The following PRKN variants were observed in gnomAD, a reference collection of about 807,000 sequenced individuals.
The protein encoded by PRKN is parkin RBR E3 ubiquitin protein ligase.
PRKN carries 56 observed loss-of-function variants against 59.5 expected under a neutral mutation model. That is an observed-to-expected ratio of 0.94 (90% CI 0.76 to 1.18). PRKN has a LOEUF of 1.18. Among genes scored for constraint, PRKN ranks in the 50% most tolerant of loss-of-function variants. The pLI is 0.00. For missense variants in PRKN, 657 were observed against 596.4 expected (o/e 1.10, Z -1.06); for synonymous variants, 250 against 222.1 (o/e 1.13, Z -1.12).
intron 2 of PRKN, among the ~76,000 whole-genome samples, chr6:162,341,255 C>T (rs1784164735): frequency 6.6e-6 from 1 of 152,104 alleles, no homozygotes; most frequent in Admixed American, 6.5e-5. Flanking sequence ...AGTCAGGAAA[C>T]AACAGATGCT....
chr6:161,641,648 C>G (rs1270835956), intron 7 of PRKN, among the ~76,000 whole-genome samples: 3 of 152,168 alleles, frequency 2.0e-5, no homozygotes, highest in Admixed American at 2.0e-4. Flanking sequence ...CTTGATAAAT[C>G]GGCTCTGTCT....
At chr6:161,797,202 A>C (rs182331222) in intron 6 of PRKN, among the ~76,000 whole-genome samples, 85 of 152,312 alleles carry the variant, frequency 5.6e-4, no homozygotes, top group Admixed American at 1.6e-3. Context: ...CATTCTTAAA[A>C]TGAATGAATG....
Position 162,683,085 on chromosome 6 carries a change from GCATT to G in PRKN, c.7+44573_7+44576del, listed in dbSNP as rs770859045. Among the ~76,000 whole-genome samples the G allele has an allele frequency of 7.9e-5, 12 of 152,122 alleles. No individual in the cohort carries two copies. In the East Asian group the frequency reaches 1.2e-3, roughly 15 times the overall value. ...TTTGCAAATGTTATTTAATGAACAC[GCATT>G]ATTATGAATGCAAAACAGCTGCTAT... On this transcript the variant is annotated intron_variant, in intron 1 of 11. Transcript: ENST00000366898.
At chr6:161,934,220 A>ATGCC (rs1779272375) in intron 6 of PRKN, among the ~76,000 whole-genome samples, 1 of 152,128 alleles carries the variant, frequency 6.6e-6, no homozygotes, top group African/African-American at 2.4e-5. Context: ...TGTGAAGAAG[A>ATGCC]TGCCTGCCTC....
At chr6:161,490,301 TTTTC>T (rs1777500064) in intron 9 of PRKN, among the ~76,000 whole-genome samples, 2 of 113,938 alleles carry the variant, frequency 1.8e-5, no homozygotes, top group African/African-American at 5.8e-5. Flanking sequence ...ATCTCTCTAC[TTTTC>T]TTTCTTGCTT....
intron 4 of PRKN, among the ~76,000 whole-genome samples, chr6:162,123,689 T>C (rs958622840): frequency 1.3e-5 from 2 of 152,204 alleles, no homozygotes; most frequent in African/African-American, 4.8e-5. Flanking sequence ...TATTTTTTAT[T>C]AGGTATACCC....
At chr6:161,380,194 C>T (rs970979680) in intron 10 of PRKN, among the ~76,000 whole-genome samples, 1 of 152,162 alleles carries the variant, frequency 6.6e-6, no homozygotes, top group African/African-American at 2.4e-5. Flanking sequence ...AAGTTCCTTC[C>T]CTGCCTGAAG....
chr6:162,488,990 C>G (rs1792682097), intron 1 of PRKN, among the ~76,000 whole-genome samples: 1 of 152,100 alleles, frequency 6.6e-6, no homozygotes, highest in African/African-American at 2.4e-5. Context: ...CCAGGATAAG[C>G]CACCACTCCT....
chr6:161,770,929 G>C (rs1418859121), intron 7 of PRKN, among the ~76,000 whole-genome samples: 1 of 152,072 alleles, frequency 6.6e-6, no homozygotes, highest in Non-Finnish European at 1.5e-5. Flanking sequence ...CAAGGAGAGA[G>C]GCTTCAGGAG....
At chr6:162,599,693 C>T (rs908682054) in intron 1 of PRKN, among the ~76,000 whole-genome samples, 13 of 152,016 alleles carry the variant, frequency 8.6e-5, no homozygotes, top group African/African-American at 3.1e-4. Context: ...CCATTCTTCC[C>T]GAAGATGTCA....
Position 161,386,718 on chromosome 6 carries a change from T to C in PRKN, c.1167+76A>G. ...TGCTTTTTTAGAATGGAACTCTCCA[T>C]GACCTCCAGGAAACGGCTCCAGTCC... On this transcript the variant is annotated intron_variant, in intron 10 of 11. Coordinates refer to ENST00000366898, the MANE Select transcript of PRKN (RefSeq NM_004562.3). This position sits in a 1 kb window ranked among gnomAD's most constrained non-coding sequence, Gnocchi z 4.3. 1 of 1,124,012 alleles carries C rather than the reference T, an allele frequency of 8.9e-7. No homozygotes were observed. Among genetic ancestry groups the C allele is most frequent in the Non-Finnish European group, 1.4e-6 (1 of 732,476 alleles). 69.6% of individuals were successfully genotyped at this position (1,124,012 alleles called of 1,614,324 possible). A position where few individuals can be genotyped will look rare whatever the true frequency, so the allele number is the denominator to read the frequency against.
chr6:161,414,698 A>G lies in PRKN; in HGVS notation c.1084-27821T>C, dbSNP rs1787756085. Reference sequence around the variant, plus strand: ...GGATTTTTTTTAACTGAGTAAGGTCATCTTTTCCTGATGAAGCCCCAAAGT... The same window carrying G: ...GGATTTTTTTTAACTGAGTAAGGTCGTCTTTTCCTGATGAAGCCCCAAAGT... On this transcript the variant is annotated intron_variant, in intron 9 of 11. Coordinates refer to ENST00000366898, the MANE Select transcript of PRKN (RefSeq NM_004562.3). The surrounding 1 kb of genome is among the most constrained non-coding windows in gnomAD (Gnocchi z 5.3). Among the ~76,000 whole-genome samples the G allele has an allele frequency of 6.6e-6, 1 of 152,170 alleles. No individual in the cohort carries two copies. The highest frequency in any genetic ancestry group is 2.4e-5 in the African/African-American group (1 of 41,426).
intron 9 of PRKN, among the ~76,000 whole-genome samples, chr6:161,511,813 T>C (rs533397130): frequency 1.1e-4 from 16 of 150,206 alleles, no homozygotes; most frequent in African/African-American, 3.2e-4. Context: ...GGCAGATGGG[T>C]TGATCTTAGG....
chr6:162,217,099 A>T (rs866291849), intron 3 of PRKN, among the ~76,000 whole-genome samples: 5 of 152,184 alleles, frequency 3.3e-5, no homozygotes, highest in Admixed American at 1.3e-4. Context: ...GCTATTCTAC[A>T]ATCGAAGAAT....
chr6:162,198,206 T>A (rs772879915), intron 4 of PRKN, among the ~76,000 whole-genome samples: 2 of 152,050 alleles, frequency 1.3e-5, no homozygotes, highest in African/African-American at 4.8e-5. Flanking sequence ...CTCTGGGAAC[T>A]GAGAAAAATC....
intron 6 of PRKN, among the ~76,000 whole-genome samples, chr6:161,951,202 C>G (rs1405295861): frequency 6.6e-6 from 1 of 152,068 alleles, no homozygotes; most frequent in East Asian, 1.9e-4. Flanking sequence ...AATTAAAATA[C>G]GAAACAGTAT....
intron 4 of PRKN, among the ~76,000 whole-genome samples, chr6:162,133,572 G>T (rs149415910): frequency 1.3e-5 from 2 of 152,136 alleles, no homozygotes; most frequent in African/African-American, 4.8e-5. Flanking sequence ...AAATAGGGCT[G>T]GAAATATCAA....
chr6:162,033,083 C>A (rs973550890), intron 5 of PRKN, among the ~76,000 whole-genome samples: 1 of 152,210 alleles, frequency 6.6e-6, no homozygotes, highest in African/African-American at 2.4e-5. Context: ...CAGACACTGG[C>A]TCCTCTCTCA....
chr6:162,374,949 T>C (rs531188762), intron 2 of PRKN, among the ~76,000 whole-genome samples: 1 of 152,260 alleles, frequency 6.6e-6, no homozygotes, highest in Non-Finnish European at 1.5e-5. Flanking sequence ...ATTGAATCTT[T>C]ATAATTTTTA....
Sources: gnomAD v4.1 joint callset for allele counts (sites outside exome capture counted in the v4.1 genomes callset) on GRCh38, gnomAD v4.1.1 for gene constraint, Gnocchi (gnomAD v3.1) non-coding constraint, MANE v1.5 for transcripts, NCBI Gene and HGNC (gene_info 2026-07-23, HGNC 2026-07-21) for gene names.